Variants in SVEP1 observed in about 807,000 individuals in gnomAD.
SVEP1 encodes sushi, von Willebrand factor type A, EGF and pentraxin domain containing 1, also known as sushi, von Willebrand factor type A, EGF and pentraxin domain-containing protein 1.
Under a neutral mutation model 367.3 loss-of-function variants are expected in SVEP1, and 164 were observed. The ratio of observed to expected loss-of-function variants is 0.45; its 90% CI spans 0.39 to 0.51. The LOEUF (loss-of-function observed/expected upper bound fraction) is 0.51, where lower values mean the gene tolerates loss of function less well. SVEP1 is among the 20% of genes least tolerant of loss of function. The pLI is 0.00. For synonymous variants in SVEP1, 1,666 were observed against 1,611.6 expected, an observed-to-expected ratio of 1.03 and a Z score of -0.81; for missense variants, 4,117 against 4,425.3, an observed-to-expected ratio of 0.93 and a Z score of 1.98.
At position 110,369,859 on chromosome 9, in the gene SVEP1, G is replaced by A. The variant is rs150584791; in HGVS notation, c.10694+64C>T. The A allele has an allele frequency of 5.3e-4, 731 of 1,391,072 alleles. 2 individuals carry two copies. In the African/African-American group the frequency reaches 9.5e-3, roughly 18 times the overall value. 86.2% of individuals were successfully genotyped at this position (1,391,072 alleles called of 1,614,324 possible). A position where few individuals can be genotyped will look rare whatever the true frequency, so the allele number is the denominator to read the frequency against. ...GACAGAGATAACTTCTGGCTCTTAG[G>A]ACAATTTACTTGAATTTTAGAGTCT... On this transcript the variant is annotated intron_variant, in intron 47 of 47. Transcript: ENST00000374469.
intron 8 of SVEP1, among the ~76,000 whole-genome samples, chr9:110,492,044 C>G (rs1829373869): frequency 6.6e-6 from 1 of 152,056 alleles, no homozygotes; most frequent in Non-Finnish European, 1.5e-5. Flanking sequence ...TATTATCTTT[C>G]TCTTAGTCAT....
rs745523053 is a variant in SVEP1, at chr9:110,407,291, C to T, written c.8309G>A (p.Cys2770Tyr). ...NRKWSGASPR[C>Y]EAISCKKPNP... The stretch of plus-strand genomic sequence containing the variant: ...TGGCTTTTTGCATGAAATGGCTTCA[C>T]AGCGTGGGGAGGCACCACTCCACTT... Residue 2770 changes from cysteine to tyrosine, a missense_variant, in exon 38 of 48, where the codon TGT becomes TAT. By Grantham distance (194) the Cys-to-Tyr change is radical. Coordinates refer to ENST00000374469, the MANE Select transcript of SVEP1 (RefSeq NM_153366.4). 1.2e-6 allele frequency: 2 copies of T among 1,613,986 alleles called. No individual in the cohort carries two copies. The highest frequency in any genetic ancestry group is 2.2e-5 in the South Asian group (2 of 91,090).
intron 40 of SVEP1, among the ~76,000 whole-genome samples, chr9:110,390,144 C>CATACATACTTATAT (rs1827616129): frequency 9.2e-5 from 9 of 97,474 alleles, no homozygotes; most frequent in Non-Finnish European, 1.3e-4. Flanking sequence ...AGTATATATA[C>CATACATACTTATAT]AAGTATATAC....
In SVEP1 at chr9:110,411,767, A is replaced by C. The variant is rs370149201; in HGVS notation, c.5976-32T>G. 32 of 1,459,142 alleles carry C rather than the reference A, an allele frequency of 2.2e-5. No individual in the cohort carries two copies. In the African/African-American group the frequency reaches 4.3e-4, roughly 19 times the overall value. 90.4% of individuals were successfully genotyped at this position (1,459,142 alleles called of 1,614,324 possible). The stretch of plus-strand genomic sequence containing the variant: ...GGTTGGGAAGAAAGAAAGAATAACT[A>C]AGCATAATATTTGAGAAAAAGTGTT... On this transcript the variant is annotated intron_variant, in intron 36 of 47. Transcript: ENST00000374469.
intron 36 of SVEP1, among the ~76,000 whole-genome samples, chr9:110,427,109 G>A (rs1258206069): frequency 6.6e-6 from 1 of 151,834 alleles, no homozygotes; most frequent in African/African-American, 2.4e-5. Flanking sequence ...ACTAGCCTGG[G>A]CAACATGGTG....
At chr9:110,424,165 T>C (rs1274172286) in intron 36 of SVEP1, among the ~76,000 whole-genome samples, 1 of 152,224 alleles carries the variant, frequency 6.6e-6, no homozygotes, top group East Asian at 1.9e-4. Flanking sequence ...TCAGAGATGT[T>C]CTTTTACATG....
At chr9:110,558,583 C>T (rs972413211) in intron 1 of SVEP1, among the ~76,000 whole-genome samples, 13 of 150,486 alleles carry the variant, frequency 8.6e-5, no homozygotes, top group African/African-American at 3.2e-4. Flanking sequence ...TCAAAACCTC[C>T]ATAAAAAACA....
chr9:110,415,946 G>C (rs1828114198), intron 36 of SVEP1, among the ~76,000 whole-genome samples: 1 of 151,900 alleles, frequency 6.6e-6, no homozygotes, highest in South Asian at 2.1e-4. Flanking sequence ...CATGTGGATT[G>C]GAGTTTAGAA....
intron 24 of SVEP1, among the ~76,000 whole-genome samples, chr9:110,449,593 G>A (rs1243102138): frequency 6.6e-6 from 1 of 152,190 alleles, no homozygotes; most frequent in Non-Finnish European, 1.5e-5. Context: ...TGAGGCAGGA[G>A]AATCGCTTTA....
intron 34 of SVEP1, 50 bp from the exon 35 acceptor site, chr9:110,429,384 T>C: frequency 7.6e-7 from 1 of 1,321,078 alleles, no homozygotes; most frequent in Non-Finnish European, 1.0e-6. Flanking sequence ...TTATTTTGCA[T>C]GCCGTTATCT....
At chr9:110,395,270 AG>A (rs1480985594) in intron 40 of SVEP1, among the ~76,000 whole-genome samples, 1 of 152,186 alleles carries the variant, frequency 6.6e-6, no homozygotes. Context: ...TAAGTGAAGG[AG>A]AAATAAAATC....
Position 110,407,511 on chromosome 9 carries a change from G to A in SVEP1, c.8089C>T (p.Leu2697=). 1 of 1,613,994 alleles carries A rather than the reference G, an allele frequency of 6.2e-7. No homozygotes were observed. The highest frequency in any genetic ancestry group is 8.5e-7 in the Non-Finnish European group (1 of 1,179,884). Reference sequence around the variant, plus strand: ...CAAGTTCCATCTTCCTGGCAGATCAGCACAGGGTTCCCCAGAAGTTCATAT... The same window carrying A: ...CAAGTTCCATCTTCCTGGCAGATCAACACAGGGTTCCCCAGAAGTTCATAT... ...PGYELLGNPV[L]ICQEDGTWNG... Residue 2697 remains leucine, a synonymous_variant, in exon 38 of 48, where the codon CTG becomes TTG. Coordinates refer to ENST00000374469, the MANE Select transcript of SVEP1 (RefSeq NM_153366.4).
At position 110,407,287 on chromosome 9, in the gene SVEP1, T is replaced by A. The variant is rs771298916; in HGVS notation, c.8313A>T (p.Glu2771Asp). The change falls in exon 38 of 48, where the codon GAA (glutamate) becomes GAT (aspartate). Residue 2771 changes from glutamate (E) to aspartate (D), a missense_variant. Coordinates refer to ENST00000374469, the MANE Select transcript of SVEP1 (RefSeq NM_153366.4). ...GATTTGGCTTTTTGCATGAAATGGC[T>A]TCACAGCGTGGGGAGGCACCACTCC... Reference protein sequence around the residue: ...RKWSGASPRCEAISCKKPNPV... With the variant: ...RKWSGASPRCDAISCKKPNPV... 1 of 1,613,892 alleles carries A rather than the reference T, an allele frequency of 6.2e-7. No homozygotes were observed. The highest frequency in any genetic ancestry group is 1.3e-5 in the African/African-American group (1 of 74,930).
intron 18 of SVEP1, among the ~76,000 whole-genome samples, chr9:110,461,598 G>GA (rs1010168029): frequency 2.0e-5 from 3 of 150,808 alleles, no homozygotes; most frequent in Non-Finnish European, 4.4e-5. Context: ...ATTGATTTGA[G>GA]AAAAAACAAA....
At chr9:110,545,377 C>G (rs1830207359) in intron 3 of SVEP1, among the ~76,000 whole-genome samples, 1 of 152,172 alleles carries the variant, frequency 6.6e-6, no homozygotes, top group South Asian at 2.1e-4. Context: ...AATTCACATT[C>G]CCACCAACAG....
chr9:110,508,577 T>C (rs1410626843), intron 5 of SVEP1, among the ~76,000 whole-genome samples: 5 of 151,820 alleles, frequency 3.3e-5, no homozygotes, highest in Non-Finnish European at 4.4e-5. Context: ...CTGGCGAACA[T>C]GGTGAAACCC....
chr9:110,375,490 A>AAAAAAC, intron 45 of SVEP1, 27 bp from the exon 46 acceptor site: 1 of 1,338,838 alleles, frequency 7.5e-7, no homozygotes, highest in Non-Finnish European at 1.0e-6. Flanking sequence ...AAAAAAAAAA[A>AAAAAAC]GGAGGCAGGG....
chr9:110,522,501 T>C (rs969169714), intron 3 of SVEP1, among the ~76,000 whole-genome samples: 5 of 152,196 alleles, frequency 3.3e-5, no homozygotes, highest in Admixed American at 1.3e-4. Context: ...CTCAAGGCAC[T>C]TGAACAATAG....
At chr9:110,461,882 T>G (rs1031457004) in intron 18 of SVEP1, among the ~76,000 whole-genome samples, 6 of 152,202 alleles carry the variant, frequency 3.9e-5, no homozygotes, top group African/African-American at 1.4e-4. Context: ...TTGATAGATC[T>G]CAGAGTGCTA....
Sources: gnomAD v4.1 joint callset for allele counts (sites outside exome capture counted in the v4.1 genomes callset) on GRCh38, gnomAD v4.1.1 for gene constraint, MANE v1.5 for transcripts, NCBI Gene and HGNC (gene_info 2026-07-23, HGNC 2026-07-21) for gene names.